Variants in ZMIZ1 observed in about 807,000 individuals in gnomAD.
ZMIZ1 encodes the protein zinc finger MIZ domain-containing protein 1.
In ZMIZ1, 17 loss-of-function variants were observed where a neutral mutation model predicts 113.9. The observed-to-expected ratio is 0.15, with a 90% CI of 0.10 to 0.22. ZMIZ1 has a LOEUF of 0.22. ZMIZ1 is among the 10% of genes least tolerant of loss of function. ZMIZ1 has a pLI of 1.00. For synonymous variants in ZMIZ1, 607 were observed against 603.1 expected (o/e 1.01, Z -0.09); for missense variants, 1,059 against 1,477.8 (o/e 0.72, Z 4.65).
At chr10:79,124,351 C>G (rs925130888) in intron 2 of ZMIZ1, among the ~76,000 whole-genome samples, 24 of 152,210 alleles carry the variant, frequency 1.6e-4, no homozygotes, top group African/African-American at 5.8e-4. Flanking sequence ...ACTCAAAGCA[C>G]AGAGAGGTTA....
rs796964956 is a variant in ZMIZ1, at chr10:79,094,967, AAAG to A, written c.-336-23946_-336-23944del. On this transcript the variant is annotated intron_variant, in intron 1 of 24. Coordinates refer to ENST00000334512, the MANE Select transcript of ZMIZ1 (RefSeq NM_020338.4). ...CTGCCCCTCCTGGAAAAAAAAAAAA[AAAG>A]AGAGAGAGAGAAAGCAAGCAAGCAG... is the stretch of plus-strand genomic sequence containing the variant. 4.0e-5 allele frequency among the ~76,000 whole-genome samples: 6 copies of A among 150,424 alleles called. No individual in the cohort carries two copies. In the East Asian group the frequency reaches 6.0e-4, roughly 15 times the overall value.
intron 7 of ZMIZ1, among the ~76,000 whole-genome samples, chr10:79,249,505 G>A (rs1046614589): frequency 2.6e-5 from 4 of 152,248 alleles, no homozygotes; most frequent in African/African-American, 7.2e-5. Flanking sequence ...CAGCTTGTCT[G>A]TGTGATGTGA....
At chr10:79,175,584 G>A (rs1244174677) in intron 4 of ZMIZ1, among the ~76,000 whole-genome samples, 1 of 26,534 alleles carries the variant, frequency 3.8e-5, no homozygotes, top group Non-Finnish European at 6.7e-5. Context: ...TGCACTCTGC[G>A]TGTGTGTGTG....
Position 79,302,104 on chromosome 10 carries a change from C to T in ZMIZ1, c.2020-3C>T, listed in dbSNP as rs1295849419. On this transcript the variant is annotated splice_region_variant and splice_polypyrimidine_tract_variant and intron_variant, in intron 17 of 24. Transcript: ENST00000334512. ...GAACTGAGTGTCTCCTCTCTCCCCGCAGTCCCACCTCTTCGTGCTGCAGCT... is the reference window on the plus strand; with the variant it reads ...GAACTGAGTGTCTCCTCTCTCCCCGTAGTCCCACCTCTTCGTGCTGCAGCT... The T allele has an allele frequency of 6.2e-7, 1 of 1,613,802 alleles. No individual in the cohort carries two copies. Among genetic ancestry groups the T allele is most frequent in the Non-Finnish European group, 8.5e-7 (1 of 1,179,966 alleles).
At chr10:79,184,048 C>T (rs1490950060) in intron 4 of ZMIZ1, among the ~76,000 whole-genome samples, 1 of 152,206 alleles carries the variant, frequency 6.6e-6, no homozygotes, top group African/African-American at 2.4e-5. Flanking sequence ...CGTCGGCCAG[C>T]GTTGCCTCGG....
rs571249625 is a variant in ZMIZ1, at chr10:79,116,039, T to A, written c.-336-2876T>A. Among the ~76,000 whole-genome samples, 6 of 152,302 alleles carry A rather than the reference T, an allele frequency of 3.9e-5. No individual in the cohort carries two copies. The South Asian group carries it at 8.3e-4, about 21-fold the overall frequency. On this transcript the variant is annotated intron_variant, in intron 1 of 24. Coordinates refer to ENST00000334512, the MANE Select transcript of ZMIZ1 (RefSeq NM_020338.4). ...TAGATAATTAAGAGGGAAGGAGTGG[T>A]GCACATTTACTGGGCATCATGGCTT... is the stretch of plus-strand genomic sequence containing the variant.
At chr10:79,198,216 G>A (rs1847927383) in intron 4 of ZMIZ1, among the ~76,000 whole-genome samples, 2 of 152,120 alleles carry the variant, frequency 1.3e-5, no homozygotes, top group African/African-American at 4.8e-5. Flanking sequence ...TGGAGATCAC[G>A]CCACTGCACT....
rs1319624127 is a variant in ZMIZ1, at chr10:79,144,966, T to C, written c.-131+5189T>C. Among the ~76,000 whole-genome samples the C allele has an allele frequency of 2.0e-5, 3 of 151,928 alleles. No individual in the cohort carries two copies. In the South Asian group the frequency reaches 6.3e-4, roughly 32 times the overall value. ...TCCACTTCGGCTTCTTGGTGGCTCA[T>C]TTCCCACCTCCTCGCCATCCCTCCA... is the stretch of plus-strand genomic sequence containing the variant. On this transcript the variant is annotated intron_variant, in intron 3 of 24. Transcript: ENST00000334512.
At chr10:79,166,065 G>C (rs923110548) in intron 4 of ZMIZ1, among the ~76,000 whole-genome samples, 6 of 150,722 alleles carry the variant, frequency 4.0e-5, no homozygotes, top group African/African-American at 1.2e-4. Flanking sequence ...ATCTCCCCGT[G>C]GCTGTCTGTC....
chr10:79,240,355 C>T (rs887888589), intron 7 of ZMIZ1, among the ~76,000 whole-genome samples: 2 of 152,168 alleles, frequency 1.3e-5, no homozygotes, highest in Admixed American at 1.3e-4. Context: ...GCTTTGGGCC[C>T]CAGGCTTTTG....
At chr10:79,287,567 G>C (rs768795264) in intron 8 of ZMIZ1, among the ~76,000 whole-genome samples, 1 of 152,222 alleles carries the variant, frequency 6.6e-6, no homozygotes, top group African/African-American at 2.4e-5. Context: ...CAAGATCCAC[G>C]ATAAATACAC....
At chr10:79,167,572 C>T (rs1361793432) in intron 4 of ZMIZ1, among the ~76,000 whole-genome samples, 1 of 152,180 alleles carries the variant, frequency 6.6e-6, no homozygotes, top group Non-Finnish European at 1.5e-5. Context: ...ACCCAGGCAA[C>T]TGAACCTGAA....
At chr10:79,191,722 T>C (rs1160870893) in intron 4 of ZMIZ1, among the ~76,000 whole-genome samples, 2 of 152,230 alleles carry the variant, frequency 1.3e-5, no homozygotes, top group African/African-American at 2.4e-5. Context: ...GAAAACATGA[T>C]ACAGAAAAAC....
intron 1 of ZMIZ1, among the ~76,000 whole-genome samples, chr10:79,095,208 T>G (rs1843130805): frequency 1.3e-5 from 2 of 152,218 alleles, no homozygotes; most frequent in Admixed American, 1.3e-4. Flanking sequence ...AGACAAAATA[T>G]GCTCATGTAC....
Position 79,296,396 on chromosome 10 carries a change from G to C in ZMIZ1, c.1231-75G>C. ...AATGAGGAGAGGCGGGCCCCATCCCGTTGTTCAGGTGACCTGGCTATGTGA... is the reference window on the plus strand; with the variant it reads ...AATGAGGAGAGGCGGGCCCCATCCCCTTGTTCAGGTGACCTGGCTATGTGA... On this transcript the variant is annotated intron_variant, in intron 12 of 24. Transcript: ENST00000334512. The surrounding 1 kb of genome is among the most constrained non-coding windows in gnomAD (Gnocchi z 4.1). 1 of 1,530,946 alleles carries C rather than the reference G, an allele frequency of 6.5e-7. No homozygotes were observed. Among genetic ancestry groups the C allele is most frequent in the Non-Finnish European group, 9.0e-7 (1 of 1,113,504 alleles). 94.8% of individuals were successfully genotyped at this position (1,530,946 alleles called of 1,614,324 possible).
chr10:79,288,093 G>A (rs1853204849), intron 8 of ZMIZ1, among the ~76,000 whole-genome samples: 1 of 152,206 alleles, frequency 6.6e-6, no homozygotes, highest in African/African-American at 2.4e-5. Flanking sequence ...ATCCAGGCAG[G>A]GGAGGGGCAA....
chr10:79,105,829 G>A (rs1843535094), intron 1 of ZMIZ1, among the ~76,000 whole-genome samples: 1 of 152,202 alleles, frequency 6.6e-6, no homozygotes, highest in Admixed American at 6.5e-5. Flanking sequence ...CAGTTTCGAT[G>A]GCAGAAGGAA....
chr10:79,197,632 A>G (rs1439480377), intron 4 of ZMIZ1, among the ~76,000 whole-genome samples: 1 of 128,376 alleles, frequency 7.8e-6, no homozygotes, highest in South Asian at 2.4e-4. Context: ...ACACACACAC[A>G]CACACACACA....
At chr10:79,070,576 T>C (rs1842235928) in intron 1 of ZMIZ1, among the ~76,000 whole-genome samples, 1 of 151,322 alleles carries the variant, frequency 6.6e-6, no homozygotes. Context: ...CGGTCGGCAC[T>C]GCCGCCCAGC....
Sources: gnomAD v4.1 joint callset for allele counts (sites outside exome capture counted in the v4.1 genomes callset) on GRCh38, gnomAD v4.1.1 for gene constraint, Gnocchi (gnomAD v3.1) non-coding constraint, MANE v1.5 for transcripts, NCBI Gene and HGNC (gene_info 2026-07-23, HGNC 2026-07-21) for gene names.